The following SEMA3C variants were observed in gnomAD, a reference collection of about 807,000 sequenced individuals.
The protein encoded by SEMA3C is semaphorin-3C.
In SEMA3C, 47 loss-of-function variants were observed where a neutral mutation model predicts 89.4. The observed-to-expected ratio is 0.53, with a 90% confidence interval of 0.42 to 0.67. The LOEUF (loss-of-function observed/expected upper bound fraction) is 0.67, where lower values mean the gene tolerates loss of function less well. Ranked by LOEUF, SEMA3C falls within the 30% of genes least tolerant of loss-of-function variation. SEMA3C has a pLI of 0.00. For synonymous variants in SEMA3C, 310 were observed against 320.2 expected (o/e 0.97, Z 0.34); for missense variants, 839 against 929.1 (o/e 0.90, Z 1.26).
chr7:80,748,647 C>G (rs890708114), intron 17 of SEMA3C, among the ~76,000 whole-genome samples: 1 of 152,150 alleles, frequency 6.6e-6, no homozygotes, highest in African/African-American at 2.4e-5. Context: ...CACATCAATA[C>G]TACCGTCTTA....
chr7:80,878,100 G>A (rs548795690), intron 2 of SEMA3C, among the ~76,000 whole-genome samples: 3 of 152,226 alleles, frequency 2.0e-5, no homozygotes, highest in Non-Finnish European at 4.4e-5. Context: ...AAATGAGGCC[G>A]GGTGCGGTGG....
chr7:80,809,073 G>A (rs976169010), intron 6 of SEMA3C, among the ~76,000 whole-genome samples: 33 of 152,068 alleles, frequency 2.2e-4, no homozygotes, highest in African/African-American at 7.0e-4. Context: ...CACTGTGCCC[G>A]GCTAACTCAG....
rs143380972 is a variant in SEMA3C at position 80,817,144 on chromosome 7, A to G, written c.447+1155T>C. Among the ~76,000 whole-genome samples the G allele has an allele frequency of 2.7e-3, 406 of 152,338 alleles. 2 individuals carry two copies. The highest frequency in any genetic ancestry group is 8.8e-3 in the African/African-American group (364 of 41,590). On this transcript the variant is annotated intron_variant, in intron 5 of 17. Coordinates refer to ENST00000265361, the MANE Select transcript of SEMA3C (RefSeq NM_006379.5). ...TGTAAGAATTGTAATATTTCATAGC[A>G]TCTTGAACCACATTAAAAAATGTCT...
intron 2 of SEMA3C, among the ~76,000 whole-genome samples, chr7:80,852,895 G>T (rs1011077905): frequency 7.9e-5 from 12 of 151,990 alleles, no homozygotes; most frequent in African/African-American, 2.7e-4. Flanking sequence ...AGCCAGGATG[G>T]TCTCGATCTC....
In SEMA3C at chr7:80,818,346, C is replaced by T; in HGVS notation, c.400G>A (p.Ala134Thr). 7 of 1,613,458 alleles carry T rather than the reference C, an allele frequency of 4.3e-6. No individual in the cohort carries two copies. The highest frequency in any genetic ancestry group is 1.1e-5 in the South Asian group (1 of 91,030). ...AAGTAAGTACAGACAGGACTGAAAGCGCCACTCCCACAGACATACAAATGT... is the reference window on the plus strand; with the variant it reads ...AAGTAAGTACAGACAGGACTGAAAGTGCCACTCCCACAGACATACAAATGT... ...RTHLYVCGSG[A>T]FSPVCTYLNR... The change falls in exon 5 of 18, where the codon GCT becomes ACT. Residue 134 changes from alanine to threonine, a missense_variant. Ala to Thr is a moderately conservative substitution (Grantham distance 58). Transcript: ENST00000265361.
chr7:80,785,549 G>A (rs1008261476), intron 12 of SEMA3C, among the ~76,000 whole-genome samples: 3 of 152,068 alleles, frequency 2.0e-5, no homozygotes, highest in African/African-American at 7.2e-5. Flanking sequence ...GGAAATCCTG[G>A]GACAATGACC....
At chr7:80,871,441 C>T (rs1791055857) in intron 2 of SEMA3C, among the ~76,000 whole-genome samples, 3 of 152,104 alleles carry the variant, frequency 2.0e-5, no homozygotes, top group Admixed American at 6.6e-5. Flanking sequence ...AATATAACTC[C>T]CATTCAAACA....
rs547350811 is a variant in SEMA3C at position 80,816,948 on chromosome 7, A to G, written c.447+1351T>C. On this transcript the variant is annotated intron_variant, in intron 5 of 17. Coordinates refer to ENST00000265361, the MANE Select transcript of SEMA3C (RefSeq NM_006379.5). ...TGAAATCTGTGCTCTGAAAATGGCT[A>G]TGCTATTGTTGGCCTGTACAGTGAC... Among the ~76,000 whole-genome samples, 153 of 152,310 alleles carry G rather than the reference A, an allele frequency of 1.0e-3. 1 individual carries two copies. The highest frequency in any genetic ancestry group is 3.6e-3 in the African/African-American group (149 of 41,576).
chr7:80,871,277 C>T (rs985116893), intron 2 of SEMA3C, among the ~76,000 whole-genome samples: 1 of 152,200 alleles, frequency 6.6e-6, no homozygotes, highest in African/African-American at 2.4e-5. Context: ...CTCTAACCTT[C>T]AGTACAAAAT....
rs373264652 is a variant in SEMA3C, at chr7:80,744,882, C to T, written c.*12G>A. ...TTTGTTAATGGAAGCATAAGACCCA[C>T]ATAAGAAAATATTATGACTCTGGCA... On this transcript the variant is annotated 3_prime_UTR_variant, in exon 18 of 18. Coordinates refer to ENST00000265361, the MANE Select transcript of SEMA3C (RefSeq NM_006379.5). 1.2e-5 allele frequency: 20 copies of T among 1,613,702 alleles called. No individual in the cohort carries two copies. The African/African-American group carries it at 1.7e-4, about 14-fold the overall frequency.
chr7:80,904,180 A>G (rs556655655), intron 2 of SEMA3C, among the ~76,000 whole-genome samples: 20 of 152,246 alleles, frequency 1.3e-4, no homozygotes, highest in Admixed American at 6.5e-4. Flanking sequence ...AGCTGGGACT[A>G]CAGCCGTGCA....
intron 5 of SEMA3C, among the ~76,000 whole-genome samples, chr7:80,812,769 ATGTTTTTGT>A (rs1047527795): frequency 1.1e-4 from 17 of 151,546 alleles, no homozygotes; most frequent in African/African-American, 4.1e-4. Context: ...CTTTGATTGC[ATGTTTTTGT>A]TGTTGTTGTT....
intron 2 of SEMA3C, among the ~76,000 whole-genome samples, chr7:80,837,996 A>AT (rs944400146): frequency 2.6e-4 from 39 of 152,168 alleles, no homozygotes; most frequent in African/African-American, 8.9e-4. Flanking sequence ...ACATTCTACC[A>AT]TTTTTTTGTT....
At chr7:80,792,480 T>C (rs1442350317) in intron 11 of SEMA3C, among the ~76,000 whole-genome samples, 3 of 152,220 alleles carry the variant, frequency 2.0e-5, no homozygotes, top group African/African-American at 4.8e-5. Context: ...CATATATTAC[T>C]AAACAATTTA....
intron 11 of SEMA3C, among the ~76,000 whole-genome samples, chr7:80,797,762 G>A (rs1006355855): frequency 1.3e-5 from 2 of 152,260 alleles, no homozygotes; most frequent in African/African-American, 4.8e-5. Flanking sequence ...CACTTTGGGA[G>A]GCCAAGGCGG....
At chr7:80,776,654 AAAG>A (rs1466998812) in intron 12 of SEMA3C, among the ~76,000 whole-genome samples, 2 of 152,224 alleles carry the variant, frequency 1.3e-5, no homozygotes, top group African/African-American at 4.8e-5. Flanking sequence ...ATTCCAAATG[AAAG>A]AAATGCCACC....
At chr7:80,818,514 A>T in intron 4 of SEMA3C, 96 bp from the exon 5 acceptor site, 1 of 1,385,414 alleles carries the variant, frequency 7.2e-7, no homozygotes, top group Non-Finnish European at 9.9e-7. Flanking sequence ...GATAAGTAAC[A>T]ATGAGGTGAC....
chr7:80,792,715 T>C (rs1788972531), intron 11 of SEMA3C, among the ~76,000 whole-genome samples: 2 of 152,230 alleles, frequency 1.3e-5, no homozygotes, highest in South Asian at 4.1e-4. Context: ...CATGAATTTA[T>C]CACCTAGAAA....
chr7:80,801,186 T>C (rs528984938), intron 9 of SEMA3C, among the ~76,000 whole-genome samples: 4 of 152,236 alleles, frequency 2.6e-5, no homozygotes, highest in Admixed American at 6.5e-5. Flanking sequence ...GAGGCAAAGC[T>C]GTAGAAATAT....
Sources: allele counts gnomAD v4.1 joint callset (sites outside exome capture counted in the v4.1 genomes callset), GRCh38; gene constraint gnomAD v4.1.1; transcripts MANE v1.5; gene names NCBI Gene and HGNC (gene_info 2026-07-23, HGNC 2026-07-21).